SAXO1: variants seen among roughly 807,000 people sequenced by gnomAD.
The protein encoded by SAXO1 is 4930500O09Rik.
SAXO1 carries 21 observed loss-of-function variants against 17.5 expected under a neutral mutation model. That is an observed-to-expected ratio of 1.20 (90% CI 0.85 to 1.72). The LOEUF is 1.72. Among genes scored for constraint, SAXO1 ranks in the 40% most tolerant of loss-of-function variants. SAXO1 has a pLI of 0.00. For missense variants in SAXO1, 843 were observed against 596.0 expected, an observed-to-expected ratio of 1.41 and a Z score of -4.32; for synonymous variants, 274 against 216.5, an observed-to-expected ratio of 1.27 and a Z score of -2.33.
intron 1 of SAXO1, among the ~76,000 whole-genome samples, chr9:19,010,471 T>C (rs1211652740): frequency 6.6e-6 from 1 of 150,616 alleles, no homozygotes; most frequent in African/African-American, 2.5e-5. Context: ...AGGTTCCATA[T>C]TTCTAGGAAA....
At chr9:18,996,301 G>A (rs1422490038) in intron 1 of SAXO1, among the ~76,000 whole-genome samples, 1 of 152,062 alleles carries the variant, frequency 6.6e-6, no homozygotes, top group Non-Finnish European at 1.5e-5. Context: ...TTAATGACAG[G>A]GATACATTCT....
At chr9:18,981,380 G>A (rs1339958348) in intron 1 of SAXO1, among the ~76,000 whole-genome samples, 1 of 152,156 alleles carries the variant, frequency 6.6e-6, no homozygotes, top group African/African-American at 2.4e-5. Flanking sequence ...ATTTATCTAA[G>A]GTCATACGTG....
intron 1 of SAXO1, among the ~76,000 whole-genome samples, chr9:18,977,993 CAAAAAAAAAAAAAAAAAAAAA>C (rs371914686): frequency 1.0e-5 from 1 of 98,662 alleles, no homozygotes. Flanking sequence ...GAGACCCTGC[CAAAAAAAAAAAAAAAAAAAAA>C]AAAAAAAAAA....
intron 1 of SAXO1, among the ~76,000 whole-genome samples, chr9:18,997,121 G>C (rs1186029064): frequency 3.9e-5 from 6 of 152,208 alleles, no homozygotes; most frequent in African/African-American, 1.4e-4. Context: ...CACAGAGGAT[G>C]AGCCAAAGCA....
intron 1 of SAXO1, among the ~76,000 whole-genome samples, chr9:18,962,698 T>A (rs111880911): frequency 0.031 from 4,694 of 152,256 alleles, 234 homozygotes; most frequent in African/African-American, 0.11. Context: ...AGATTCTGGG[T>A]ATTAGCCCTT....
At chr9:18,993,874 A>G (rs1027078908) in intron 1 of SAXO1, among the ~76,000 whole-genome samples, 1 of 152,168 alleles carries the variant, frequency 6.6e-6, no homozygotes, top group African/African-American at 2.4e-5. Flanking sequence ...AGGGAGGGGG[A>G]TAAGTCCAGA....
At chr9:19,043,033 A>G (rs542042055) in intron 1 of SAXO1, among the ~76,000 whole-genome samples, 4 of 152,166 alleles carry the variant, frequency 2.6e-5, no homozygotes, top group African/African-American at 9.6e-5. Context: ...TTAGTCAGGC[A>G]TGGTGGTACA....
rs190494721 is a variant in SAXO1 at position 18,941,627 on chromosome 9, G to T, written c.421+10C>A. ...TCTTTCCCCCAATCTGCCCCTCTGT[G>T]CTCTCCCACCTTTATAAGTAGGCAA... On this transcript the variant is annotated intron_variant, in intron 3 of 3. Transcript: ENST00000380534. 7.4e-6 allele frequency: 12 copies of T among 1,613,958 alleles called. 1 individual carries two copies. In the Admixed American group the frequency reaches 1.3e-4, roughly 18 times the overall value.
intron 1 of SAXO1, among the ~76,000 whole-genome samples, chr9:18,965,052 G>A (rs576499151): frequency 6.6e-6 from 1 of 152,324 alleles, no homozygotes; most frequent in South Asian, 2.1e-4. Context: ...CAGTTTCCAT[G>A]TAGTCGTGCA....
intron 1 of SAXO1, among the ~76,000 whole-genome samples, chr9:18,963,528 T>C (rs1470308928): frequency 6.6e-6 from 1 of 152,184 alleles, no homozygotes; most frequent in Non-Finnish European, 1.5e-5. Flanking sequence ...CCTTTGTAAG[T>C]TGTATTCCTA....
chr9:19,048,144 G>C lies in SAXO1; in HGVS notation c.-158+1065C>G, dbSNP rs140079180. On this transcript the variant is annotated intron_variant, in intron 1 of 3. Coordinates refer to the SAXO1 transcript ENST00000542071. ...GAATAAATGAAAGAATGGAATACCTGAATTTGTACAGTACAGTATACACTT... is the reference window on the plus strand; with the variant it reads ...GAATAAATGAAAGAATGGAATACCTCAATTTGTACAGTACAGTATACACTT... Among the ~76,000 whole-genome samples the C allele has an allele frequency of 4.7e-3, 722 of 152,342 alleles. 3 individuals carry two copies. Among genetic ancestry groups the C allele is most frequent in the African/African-American group, 0.017 (696 of 41,582 alleles).
chr9:18,936,890 C>T (rs573994456), intron 3 of SAXO1, among the ~76,000 whole-genome samples: 2 of 152,248 alleles, frequency 1.3e-5, no homozygotes, highest in East Asian at 3.9e-4. Flanking sequence ...TTTTCTGGAC[C>T]CCAGTAAAGG....
chr9:18,969,110 G>A (rs1832849847), intron 1 of SAXO1, among the ~76,000 whole-genome samples: 1 of 151,930 alleles, frequency 6.6e-6, no homozygotes, highest in South Asian at 2.1e-4. Flanking sequence ...CCTAAGCAGT[G>A]GGGCCTACAT....
intron 2 of SAXO1, among the ~76,000 whole-genome samples, chr9:18,945,124 A>T (rs939662052): frequency 7.9e-5 from 12 of 152,024 alleles, no homozygotes; most frequent in Admixed American, 4.6e-4. Context: ...CACTATCCTC[A>T]CTGAGCTCCA....
Position 18,928,258 on chromosome 9 carries a change from T to A in SAXO1, c.1219A>T (p.Thr407Ser), listed in dbSNP as rs1486040230. The A allele has an allele frequency of 3.1e-6, 5 of 1,613,362 alleles. No homozygotes were observed. The highest frequency in any genetic ancestry group is 4.2e-6 in the Non-Finnish European group (5 of 1,179,440). The change falls in exon 4 of 4, where the codon ACC becomes TCC. Residue 407 changes from threonine to serine, a missense_variant. By Grantham distance (58) the Thr-to-Ser change is moderately conservative. Transcript: ENST00000380534. ...TTGGGAGTAAAGCTGATGGTGTAGG[T>A]GGTCTGGCTTTCCACAGGGACATTT... ...RGNVPVESQT[T>S]YTISFTPKEM...
At chr9:18,931,165 T>C (rs1474494453) in intron 3 of SAXO1, among the ~76,000 whole-genome samples, 2 of 152,218 alleles carry the variant, frequency 1.3e-5, no homozygotes, top group African/African-American at 2.4e-5. Context: ...TCTTCATTTG[T>C]AGTCAGTCTT....
chr9:18,960,644 G>T (rs1832446639), intron 1 of SAXO1, among the ~76,000 whole-genome samples: 1 of 152,118 alleles, frequency 6.6e-6, no homozygotes, highest in African/African-American at 2.4e-5. Flanking sequence ...TTATCCAGGT[G>T]TGGTGGCATG....
At chr9:19,028,116 C>G (rs1016183431) in intron 1 of SAXO1, 3 of 1,608,880 alleles carry the variant, frequency 1.9e-6, no homozygotes, top group African/African-American at 2.7e-5. Context: ...AGAAAGCCAA[C>G]CTACAGTACT....
chr9:18,953,347 C>T (rs559577487), intron 1 of SAXO1, among the ~76,000 whole-genome samples: 1 of 152,204 alleles, frequency 6.6e-6, no homozygotes, highest in Admixed American at 6.5e-5. Context: ...ATGTAACACA[C>T]TCTAAGGATT....
Sources: gnomAD v4.1 joint callset for allele counts (sites outside exome capture counted in the v4.1 genomes callset) on GRCh38, gnomAD v4.1.1 for gene constraint, MANE v1.5 for transcripts, NCBI Gene and HGNC (gene_info 2026-07-23, HGNC 2026-07-21) for gene names.